The following KIF26B variants were observed in gnomAD, a reference collection of about 807,000 sequenced individuals.
KIF26B encodes the protein kinesin family member 26B, also known as kinesin-like protein KIF26B.
In KIF26B, 63 loss-of-function variants were observed where a neutral mutation model predicts 151.2. That is an observed-to-expected ratio of 0.42 (90% CI 0.34 to 0.51). The LOEUF (loss-of-function observed/expected upper bound fraction) is 0.51. Ranked by LOEUF, KIF26B falls within the 20% of genes least tolerant of loss-of-function variation. The pLI is 0.07. For missense variants in KIF26B, 2,813 were observed against 2,913.6 expected (o/e 0.97, Z 0.79); for synonymous variants, 1,357 against 1,262.1 (o/e 1.08, Z -1.59).
At chr1:245,347,487 A>G (rs779872462) in intron 2 of KIF26B, among the ~76,000 whole-genome samples, 1 of 151,934 alleles carries the variant, frequency 6.6e-6, no homozygotes, top group African/African-American at 2.4e-5. Context: ...TACCCGGCTA[A>G]TTTTTAAATT....
intron 9 of KIF26B, among the ~76,000 whole-genome samples, chr1:245,642,114 G>A (rs2043898408): frequency 6.6e-6 from 1 of 152,180 alleles, no homozygotes; most frequent in South Asian, 2.1e-4. Flanking sequence ...GACGGTACTT[G>A]TGTTATGTGG....
At chr1:245,590,241 C>G (rs2043273068) in intron 5 of KIF26B, among the ~76,000 whole-genome samples, 1 of 151,138 alleles carries the variant, frequency 6.6e-6, no homozygotes, top group Admixed American at 6.6e-5. Context: ...CCTGGCCGCA[C>G]CGTGCCGCGC....
At chr1:245,553,847 C>G (rs548735945) in intron 5 of KIF26B, among the ~76,000 whole-genome samples, 8 of 152,296 alleles carry the variant, frequency 5.3e-5, no homozygotes, top group African/African-American at 1.9e-4. Context: ...GAGCACCAGA[C>G]AGTGACCACA....
chr1:245,387,036 T>C (rs77777222), intron 3 of KIF26B, among the ~76,000 whole-genome samples: 3,604 of 152,326 alleles, frequency 0.024, 154 homozygotes, highest in African/African-American at 0.082. Context: ...TCTGAAAGAA[T>C]GCTTCATAGC....
intron 4 of KIF26B, among the ~76,000 whole-genome samples, chr1:245,436,101 T>C (rs1658924186): frequency 1.3e-5 from 2 of 150,194 alleles, no homozygotes; most frequent in African/African-American, 2.5e-5. Flanking sequence ...CACTTGAACC[T>C]GGGAGGTGGA....
At chr1:245,579,797 G>A (rs1295769762) in intron 5 of KIF26B, among the ~76,000 whole-genome samples, 8 of 151,204 alleles carry the variant, frequency 5.3e-5, no homozygotes, top group Non-Finnish European at 7.4e-5. Context: ...GCGGTGAGCC[G>A]AGATTGCGCC....
chr1:245,674,956 G>T (rs577615386), intron 10 of KIF26B, among the ~76,000 whole-genome samples: 1 of 152,162 alleles, frequency 6.6e-6, no homozygotes, highest in Non-Finnish European at 1.5e-5. Context: ...CCACTGTCAC[G>T]TGTGACAACT....
intron 2 of KIF26B, among the ~76,000 whole-genome samples, chr1:245,317,619 C>T (rs781350361): frequency 3.3e-5 from 5 of 152,204 alleles, no homozygotes; most frequent in African/African-American, 7.2e-5. Flanking sequence ...CTGGCTTGGC[C>T]GCCAAAGAGA....
intron 10 of KIF26B, among the ~76,000 whole-genome samples, chr1:245,680,844 C>T (rs573825253): frequency 4.6e-5 from 7 of 152,204 alleles, no homozygotes; most frequent in African/African-American, 1.4e-4. Flanking sequence ...CGAGGTGGAG[C>T]GTGCAAAGCT....
rs73125023 is a variant in KIF26B, at chr1:245,170,449, C to T, written c.465+13766C>T. Among the ~76,000 whole-genome samples the T allele has an allele frequency of 2.2e-4, 33 of 152,210 alleles. 1 individual carries two copies. The highest frequency in any genetic ancestry group is 6.3e-4 in the African/African-American group (26 of 41,534). On this transcript the variant is annotated intron_variant, in intron 2 of 14. Coordinates refer to ENST00000407071, the MANE Select transcript of KIF26B (RefSeq NM_018012.4). The surrounding 1 kb of genome is among the most constrained non-coding windows in gnomAD (Gnocchi z 4.4). The stretch of plus-strand genomic sequence containing the variant: ...CAATTGGTTCCAGGTGTTCCAGGGA[C>T]GAAACTTATCAGAACCAAACATAGA...
intron 2 of KIF26B, among the ~76,000 whole-genome samples, chr1:245,247,116 C>T (rs1354295969): frequency 2.6e-5 from 4 of 152,108 alleles, no homozygotes; most frequent in Non-Finnish European, 5.9e-5. Context: ...TTAACAGTGC[C>T]TGCCACTGTG....
intron 2 of KIF26B, among the ~76,000 whole-genome samples, chr1:245,361,046 C>T (rs1672807069): frequency 6.6e-6 from 1 of 152,190 alleles, no homozygotes; most frequent in Non-Finnish European, 1.5e-5. Flanking sequence ...AGAAATGCCT[C>T]ACCCATTCTT....
chr1:245,561,965 G>A (rs1246697425), intron 5 of KIF26B, among the ~76,000 whole-genome samples: 2 of 152,190 alleles, frequency 1.3e-5, no homozygotes, highest in African/African-American at 4.8e-5. Context: ...TTTTCTTGCT[G>A]TGGATGCTGA....
chr1:245,568,433 G>A (rs573233168), intron 5 of KIF26B, among the ~76,000 whole-genome samples: 61 of 150,800 alleles, frequency 4.0e-4, no homozygotes, highest in Non-Finnish European at 6.9e-4. Context: ...TCGCTTGAGC[G>A]TAGGAGGTTG....
chr1:245,387,609 C>T (rs1673583358), intron 3 of KIF26B, among the ~76,000 whole-genome samples: 1 of 152,152 alleles, frequency 6.6e-6, no homozygotes, highest in Non-Finnish European at 1.5e-5. Flanking sequence ...GGGAGGATCG[C>T]TTGAGCCTGC....
intron 2 of KIF26B, among the ~76,000 whole-genome samples, chr1:245,323,806 C>T (rs1043913790): frequency 6.6e-5 from 10 of 152,216 alleles, no homozygotes; most frequent in Non-Finnish European, 1.0e-4. Context: ...GGACATCCAG[C>T]TGTACGGGAA....
intron 2 of KIF26B, among the ~76,000 whole-genome samples, chr1:245,315,161 C>T (rs905135620): frequency 4.6e-5 from 7 of 152,012 alleles, no homozygotes; most frequent in Admixed American, 3.3e-4. Flanking sequence ...GCCTGGGCAA[C>T]GAGAGCAAAA....
At chr1:245,498,703 T>C (rs6676107) in intron 4 of KIF26B, among the ~76,000 whole-genome samples, 5,566 of 152,236 alleles carry the variant, frequency 0.037, 362 homozygotes, top group African/African-American at 0.13. Flanking sequence ...CTTTCAATAA[T>C]TCAACATCTG....
chr1:245,600,239 C>A lies in KIF26B; in HGVS notation c.1351-2338C>A, dbSNP rs554486791. Among the ~76,000 whole-genome samples the A allele has an allele frequency of 1.6e-5, 2 of 123,746 alleles. 1 individual carries two copies. The highest frequency in any genetic ancestry group is 3.6e-5 in the Non-Finnish European group (2 of 56,036). 81.2% of individuals were successfully genotyped at this position (123,746 alleles called of 152,430 possible). The stretch of plus-strand genomic sequence containing the variant: ...ATTTTTAGTAGAGACGGGGTTTCAC[C>A]GTGTTAGCCAGGATGGTCTCTATCT... On this transcript the variant is annotated intron_variant, in intron 5 of 14. Transcript: ENST00000407071.
Sources: gnomAD v4.1 joint callset for allele counts (sites outside exome capture counted in the v4.1 genomes callset) on GRCh38, gnomAD v4.1.1 for gene constraint, Gnocchi (gnomAD v3.1) non-coding constraint, MANE v1.5 for transcripts, NCBI Gene and HGNC (gene_info 2026-07-23, HGNC 2026-07-21) for gene names.